Variants in PCDH1 observed in about 807,000 individuals in gnomAD.
PCDH1 encodes the protein protocadherin 1.
PCDH1 carries 23 observed loss-of-function variants against 74.6 expected under a neutral mutation model. The observed-to-expected ratio is 0.31, with a 90% CI of 0.22 to 0.44. The LOEUF (loss-of-function observed/expected upper bound fraction) is 0.44. PCDH1 is among the 20% of genes least tolerant of loss of function. PCDH1 has a pLI of 1.00. For synonymous variants in PCDH1, 647 were observed against 686.1 expected, an observed-to-expected ratio of 0.94 and a Z score of 0.89; for missense variants, 1,214 against 1,641.4, an observed-to-expected ratio of 0.74 and a Z score of 4.50.
rs550025108 is a variant in PCDH1 at position 141,875,967 on chromosome 5, C to G, written c.40+2256G>C. 1.7e-4 allele frequency among the ~76,000 whole-genome samples: 26 copies of G among 152,300 alleles called. No individual in the cohort carries two copies. In the South Asian group the frequency reaches 5.2e-3, roughly 30 times the overall value. ...GGGCGGCCCCTTCCCTGGCAGCTCC[C>G]GAGGGTTGACCCAGAGCAGGTGCTA... On this transcript the variant is annotated intron_variant, in intron 1 of 4. Transcript: ENST00000287008.
Position 141,869,644 on chromosome 5 carries a change from G to A in PCDH1, c.41-213C>T. The A allele has an allele frequency of 6.5e-7, 1 of 1,533,474 alleles. No homozygotes were observed. The highest frequency in any genetic ancestry group is 1.2e-5 in the South Asian group (1 of 83,196). The allele number at this position is 1,533,474 out of a possible 1,614,324, so 95.0% of individuals were successfully genotyped here. On this transcript the variant is annotated intron_variant, in intron 1 of 4. Transcript: ENST00000287008. The surrounding 1 kb of genome is among the most constrained non-coding windows in gnomAD (Gnocchi z 4.9). ...AGCAGCAGTGTCTGCCCCAGCTGGA[G>A]GAGCCAGTAAGAGGCCTGGCATGCC... is the stretch of plus-strand genomic sequence containing the variant.
rs768050936 is a variant in PCDH1, at chr5:141,857,446, G to A, written c.3125C>T (p.Ser1042Leu). Reference protein sequence around the residue: ...KQLPHRRVTFSATSQAQELQD... With the variant: ...KQLPHRRVTFLATSQAQELQD... Reference sequence around the variant, plus strand: ...CAGCTCCTGGGCCTGGCTGGTGGCCGAGAAGGTGACGCGGCGGTGAGGTAA... The same window carrying A: ...CAGCTCCTGGGCCTGGCTGGTGGCCAAGAAGGTGACGCGGCGGTGAGGTAA... The change falls in exon 4 of 5, where the codon TCG becomes TTG. Residue 1042 changes from serine (S) to leucine (L), a missense_variant. Around this residue, in one of 4 missense-constraint regions of PCDH1, gnomAD observed 836 missense variants for 1,182.2 expected, o/e 0.71. Transcript: ENST00000287008. The A allele has an allele frequency of 1.9e-5, 31 of 1,613,770 alleles. No homozygotes were observed. Among genetic ancestry groups the A allele is most frequent in the South Asian group, 1.4e-4 (13 of 91,064 alleles).
At chr5:141,866,093 G>A (rs1369170342) in intron 2 of PCDH1, 1 of 985,562 alleles carries the variant, frequency 1.0e-6, no homozygotes, top group Non-Finnish European at 1.2e-6. Context: ...AAGGCCCCAG[G>A]TTGGGGGATT....
intron 3 of PCDH1, chr5:141,862,766 G>A (rs1561479082): frequency 9.8e-7 from 1 of 1,020,076 alleles, no homozygotes; most frequent in African/African-American, 1.7e-5. Flanking sequence ...CAATGGGAAG[G>A]TGCCCTCCCC....
chr5:141,870,967 T>G (rs916595920), intron 1 of PCDH1, among the ~76,000 whole-genome samples: 1 of 152,166 alleles, frequency 6.6e-6, no homozygotes, highest in African/African-American at 2.4e-5. Flanking sequence ...CCAGGAAACC[T>G]TCACAGTCCT....
intron 1 of PCDH1, among the ~76,000 whole-genome samples, chr5:141,873,028 C>A (rs1428528566): frequency 3.9e-5 from 6 of 152,034 alleles, no homozygotes; most frequent in African/African-American, 1.5e-4. Flanking sequence ...GGAGGTGGGA[C>A]CTAGAGAAAC....
At position 141,868,539 on chromosome 5, in the gene PCDH1, C is replaced by T. The variant is rs775174929; in HGVS notation, c.903+30G>A. The T allele has an allele frequency of 9.9e-6, 15 of 1,518,008 alleles. No individual in the cohort carries two copies. The South Asian group carries it at 1.9e-4, about 19-fold the overall frequency. 94.0% of individuals were successfully genotyped at this position (1,518,008 alleles called of 1,614,324 possible). A position where few individuals can be genotyped will look rare whatever the true frequency, so the allele number is the denominator to read the frequency against. On this transcript the variant is annotated intron_variant, in intron 2 of 4. Coordinates refer to ENST00000287008, the MANE Select transcript of PCDH1 (RefSeq NM_032420.5). This position sits in a 1 kb window ranked among gnomAD's most constrained non-coding sequence, Gnocchi z 4.8. ...GCTCCCATTTCTAGTGGTGGGTCAC[C>T]CTGACAGTTATACGGAGGGGGCCTC... is the stretch of plus-strand genomic sequence containing the variant.
Position 141,878,400 on chromosome 5 carries a change from C to T in PCDH1, c.-138G>A. 1 of 581,194 alleles carries T rather than the reference C, an allele frequency of 1.7e-6. No individual in the cohort carries two copies. The highest frequency in any genetic ancestry group is 5.8e-5 in the East Asian group (1 of 17,146). The allele number at this position is 581,194 out of a possible 1,614,324, so 36.0% of individuals were successfully genotyped here. ...TTGCGTCCGCGCCGCGCTCCCGCTCCCCGAGTGTGTGAGGCGGCGGCGGCG... is the reference window on the plus strand; with the variant it reads ...TTGCGTCCGCGCCGCGCTCCCGCTCTCCGAGTGTGTGAGGCGGCGGCGGCG... On this transcript the variant is annotated 5_prime_UTR_variant, in exon 1 of 5. Transcript: ENST00000287008. The surrounding 1 kb of genome is among the most constrained non-coding windows in gnomAD (Gnocchi z 5.5).
Position 141,863,955 on chromosome 5 carries a change from C to G in PCDH1, c.2376G>C (p.Val792=). 1 of 1,614,168 alleles carries G rather than the reference C, an allele frequency of 6.2e-7. No individual in the cohort carries two copies. The highest frequency in any genetic ancestry group is 8.5e-7 in the Non-Finnish European group (1 of 1,180,036). The change falls in exon 3 of 5, where the codon GTG becomes GTC. Residue 792 remains valine, a synonymous_variant. Transcript: ENST00000287008. This position sits in a 1 kb window ranked among gnomAD's most constrained non-coding sequence, Gnocchi z 7.5. ...RRHHGLHRLV[V]KVSDRGKPPR... ...GGGGCTTGCCGCGGTCACTGACCTT[C>G]ACCACCAGGCGGTGTAGCCCATGGT... is the stretch of plus-strand genomic sequence containing the variant.
Position 141,878,408 on chromosome 5 carries a change from T to G in PCDH1, c.-146A>C. On this transcript the variant is annotated 5_prime_UTR_variant, in exon 1 of 5. Transcript: ENST00000287008. This position sits in a 1 kb window ranked among gnomAD's most constrained non-coding sequence, Gnocchi z 5.5. ...GCGCCGCGCTCCCGCTCCCCGAGTGTGTGAGGCGGCGGCGGCGGCGGCGGC... is the reference window on the plus strand; with the variant it reads ...GCGCCGCGCTCCCGCTCCCCGAGTGGGTGAGGCGGCGGCGGCGGCGGCGGC... 1 of 489,932 alleles carries G rather than the reference T, an allele frequency of 2.0e-6. No individual in the cohort carries two copies. The highest frequency in any genetic ancestry group is 2.8e-6 in the Non-Finnish European group (1 of 356,358). 30.3% of individuals were successfully genotyped at this position (489,932 alleles called of 1,614,324 possible).
At position 141,853,973 on chromosome 5, in the gene PCDH1, GC is replaced by G. The variant is rs1024484482; in HGVS notation, c.*68del. 12 of 1,357,598 alleles carry G rather than the reference GC, an allele frequency of 8.8e-6. No homozygotes were observed. In the African/African-American group the frequency reaches 1.8e-4, roughly 20 times the overall value. 84.1% of individuals were successfully genotyped at this position (1,357,598 alleles called of 1,614,324 possible). Reference sequence around the variant, plus strand: ...CCACGCTGAAGGGGTGGAGAGTGAGGCCCTGGAATGGGCCATTTGGGAGCTG... The same window carrying G: ...CCACGCTGAAGGGGTGGAGAGTGAGGCCTGGAATGGGCCATTTGGGAGCTG... On this transcript the variant is annotated 3_prime_UTR_variant, in exon 5 of 5. Transcript: ENST00000287008.
In PCDH1 at chr5:141,869,265, T is replaced by C; in HGVS notation, c.207A>G (p.Pro69=). ...CGAGGCTCCCAATGAGGGTGTTGGGTGGCTGTTCCTCCGGCACCTTGTACA... is the reference window on the plus strand; with the variant it reads ...CGAGGCTCCCAATGAGGGTGTTGGGCGGCTGTTCCTCCGGCACCTTGTACA... The part of the protein sequence containing the change: ...RVVYKVPEEQ[P]PNTLIGSLAA... Residue 69 remains proline, a synonymous_variant, in exon 2 of 5, where the codon CCA becomes CCG. Transcript: ENST00000287008. This position sits in a 1 kb window ranked among gnomAD's most constrained non-coding sequence, Gnocchi z 4.9. 1 of 1,611,528 alleles carries C rather than the reference T, an allele frequency of 6.2e-7. No individual in the cohort carries two copies. The highest frequency in any genetic ancestry group is 8.5e-7 in the Non-Finnish European group (1 of 1,178,982).
In PCDH1 at chr5:141,865,634, A is replaced by G. The variant is rs1409396623; in HGVS notation, c.904-207T>C. On this transcript the variant is annotated intron_variant, in intron 2 of 4. Coordinates refer to ENST00000287008, the MANE Select transcript of PCDH1 (RefSeq NM_032420.5). This position sits in a 1 kb window ranked among gnomAD's most constrained non-coding sequence, Gnocchi z 4.4. ...AGGCATTACTAACCTATTTTCCTGA[A>G]GAGCCCAGATGCAGCCTGCAAATCC... 6.6e-6 allele frequency among the ~76,000 whole-genome samples: 1 copy of G among 152,234 alleles called. No homozygotes were observed. Among genetic ancestry groups the G allele is most frequent in the African/African-American group, 2.4e-5 (1 of 41,458 alleles).
chr5:141,869,785 C>T lies in PCDH1; in HGVS notation c.41-354G>A. On this transcript the variant is annotated intron_variant, in intron 1 of 4. Transcript: ENST00000287008. This position sits in a 1 kb window ranked among gnomAD's most constrained non-coding sequence, Gnocchi z 4.9. ...CTTGCTCTCTGCTCTGTGCTTCACC[C>T]AACACCTCCTTCTCACGAGCATCCT... 1.0e-6 allele frequency: 1 copy of T among 985,412 alleles called. No individual in the cohort carries two copies. Among genetic ancestry groups the T allele is most frequent in the Non-Finnish European group, 1.2e-6 (1 of 829,922 alleles). 61.0% of individuals were successfully genotyped at this position (985,412 alleles called of 1,614,324 possible). A position where few individuals can be genotyped will look rare whatever the true frequency, so the allele number is the denominator to read the frequency against.
chr5:141,876,548 T>A (rs1420923164), intron 1 of PCDH1, among the ~76,000 whole-genome samples: 2 of 152,158 alleles, frequency 1.3e-5, no homozygotes, highest in Non-Finnish European at 2.9e-5. Flanking sequence ...CCCCAGTCTT[T>A]CCTGGCAGAA....
chr5:141,857,772 C>T (rs1022562303), intron 3 of PCDH1, among the ~76,000 whole-genome samples: 1 of 152,194 alleles, frequency 6.6e-6, no homozygotes, highest in African/African-American at 2.4e-5. Context: ...CCAGTGCAAC[C>T]GCTTGTTATA....
rs962886611 is a variant in PCDH1, at chr5:141,868,430, G to T, written c.903+139C>A. 2.8e-6 allele frequency: 4 copies of T among 1,418,234 alleles called. No homozygotes were observed. The highest frequency in any genetic ancestry group is 2.5e-4 in the Middle Eastern group (1 of 4,062). 87.9% of individuals were successfully genotyped at this position (1,418,234 alleles called of 1,614,324 possible). ...GGGTGGGGTGGGAAAGACTCCCCTG[G>T]CTGAGTTTGGGGAGAAGGGGTCTCA... On this transcript the variant is annotated intron_variant, in intron 2 of 4. Coordinates refer to ENST00000287008, the MANE Select transcript of PCDH1 (RefSeq NM_032420.5). This position sits in a 1 kb window ranked among gnomAD's most constrained non-coding sequence, Gnocchi z 4.8.
Position 141,863,379 on chromosome 5 carries a change from T to TGACTGG in PCDH1, c.2946_2951dup (p.Gln983_Ser984dup). On this transcript the variant is annotated inframe_insertion, in exon 3 of 5. Coordinates refer to ENST00000287008, the MANE Select transcript of PCDH1 (RefSeq NM_032420.5). The surrounding 1 kb of genome is among the most constrained non-coding windows in gnomAD (Gnocchi z 7.5). Reference sequence around the variant, plus strand: ...CCTGGTGCTTCTTGGAGGCTGAGGGTGACTGGGGCTGCAGCTGGATGGAAG... The same window carrying TGACTGG: ...CCTGGTGCTTCTTGGAGGCTGAGGGTGACTGGGACTGGGGCTGCAGCTGGATGGAAG... 6.5e-7 allele frequency: 1 copy of TGACTGG among 1,548,730 alleles called. No homozygotes were observed. Among genetic ancestry groups the TGACTGG allele is most frequent in the African/African-American group, 1.4e-5 (1 of 73,080 alleles).
At position 141,853,221 on chromosome 5, in the gene PCDH1, A is replaced by G. The variant is rs1752193279; in HGVS notation, c.*821T>C. On this transcript the variant is annotated 3_prime_UTR_variant, in exon 5 of 5. Coordinates refer to ENST00000287008, the MANE Select transcript of PCDH1 (RefSeq NM_032420.5). ...CCCTGGCCTGCACCCCCATCCCACC[A>G]TGGCCCCAGGGGTATTTACAACATG... 3.8e-5 allele frequency: 1 copy of G among 26,012 alleles called. No individual in the cohort carries two copies. Among genetic ancestry groups the G allele is most frequent in the Non-Finnish European group, 7.4e-5 (1 of 13,574 alleles). 1.6% of individuals were successfully genotyped at this position (26,012 alleles called of 1,614,324 possible). A position where few individuals can be genotyped will look rare whatever the true frequency, so the allele number is the denominator to read the frequency against.
Sources: gnomAD v4.1 joint callset for allele counts (sites outside exome capture counted in the v4.1 genomes callset) on GRCh38, gnomAD v4.1.1 for gene constraint, gnomAD v4.1.1 regional missense constraint, Gnocchi (gnomAD v3.1) non-coding constraint, MANE v1.5 for transcripts, NCBI Gene and HGNC (gene_info 2026-07-23, HGNC 2026-07-21) for gene names.